The following SSPN variants were observed in gnomAD, a reference collection of about 807,000 sequenced individuals.
SSPN encodes sarcospan.
A neutral mutation model predicts 19.1 loss-of-function variants in SSPN; 15 were observed. The observed-to-expected ratio is 0.78, with a 90% CI of 0.52 to 1.21. The LOEUF (loss-of-function observed/expected upper bound fraction) is 1.21. Among genes scored for constraint, SSPN ranks in the 50% most tolerant of loss-of-function variants. The pLI, the probability that SSPN is intolerant of heterozygous loss-of-function variation, is 0.00. For synonymous variants in SSPN, 147 were observed against 140.3 expected, an observed-to-expected ratio of 1.05 and a Z score of -0.34; for missense variants, 291 against 314.0, an observed-to-expected ratio of 0.93 and a Z score of 0.55.
At chr12:26,122,776 C>T (rs768361046) in intron 1 of SSPN, 5 of 1,586,668 alleles carry the variant, frequency 3.2e-6, no homozygotes, top group Non-Finnish European at 3.4e-6. Context: ...GGCCGGGCCT[C>T]GGCTTCGCCG....
At position 26,195,715 on chromosome 12, in the gene SSPN, G is replaced by C; in HGVS notation, c.43G>C (p.Gly15Arg). The C allele has an allele frequency of 6.9e-7, 1 of 1,440,782 alleles. No homozygotes were observed. The highest frequency in any genetic ancestry group is 9.1e-7 in the Non-Finnish European group (1 of 1,103,280). 89.2% of individuals were successfully genotyped at this position (1,440,782 alleles called of 1,614,324 possible). A position where few individuals can be genotyped will look rare whatever the true frequency, so the allele number is the denominator to read the frequency against. ...GCCACGCGGCCAGCAGAGGCAGGGG[G>C]GCCCGCCGGCCGCGGACGCCGCTGG... is the stretch of plus-strand genomic sequence containing the variant. ...KQPRGQQRQG[G>R]PPAADAAGPD... is the part of the protein sequence containing the mutation. The change falls in exon 1 of 3, where the codon GGC (glycine) becomes CGC (arginine). Residue 15 changes from glycine to arginine, a missense_variant. Gly to Arg is a moderately radical substitution (Grantham distance 125, BLOSUM62 -2). Around this residue, in one of 3 missense-constraint regions of SSPN, gnomAD observed 139 missense variants for 119.6 expected, o/e 1.16. Transcript: ENST00000242729.
At chr12:26,122,006 C>T (rs976594840) in exon 1 of SSPN, 2 of 1,544,938 alleles carry the variant, frequency 1.3e-6, no homozygotes, top group African/African-American at 1.4e-5. Flanking sequence ...GCTTGAACCT[C>T]CTTAAGGGTA....
chr12:26,122,291 G>GGCGGCGGCA (rs926557816), intron 1 of SSPN: 4 of 1,194,494 alleles, frequency 3.3e-6, no homozygotes, highest in Non-Finnish European at 4.1e-6. Context: ...ACGCGGCGGC[G>GGCGGCGGCA]GCGGCGGCAG....
chr12:26,230,855 C>A lies in SSPN; in HGVS notation c.511C>A (p.Pro171Thr). Reference protein sequence around the residue: ...SCQCKLPSSEPLSRTFVYRDV... With the variant: ...SCQCKLPSSETLSRTFVYRDV... ...CCAGTGCAAACTGCCCTCCTCGGAGCCGCTCAGCAGGACCTTTGTTTACCG... is the reference window on the plus strand; with the variant it reads ...CCAGTGCAAACTGCCCTCCTCGGAGACGCTCAGCAGGACCTTTGTTTACCG... Residue 171 changes from proline to threonine, a missense_variant, in exon 3 of 3, where the codon CCG (proline) becomes ACG (threonine). This residue lies in a region of SSPN where 141 missense variants were observed against 166.7 expected (regional missense o/e 0.85). Transcript: ENST00000242729. The A allele has an allele frequency of 6.2e-7, 1 of 1,614,206 alleles. No individual in the cohort carries two copies. Among genetic ancestry groups the A allele is most frequent in the Non-Finnish European group, 8.5e-7 (1 of 1,180,050 alleles).
intron 1 of SSPN, among the ~76,000 whole-genome samples, chr12:26,142,891 G>A (rs929393029): frequency 2.0e-5 from 3 of 152,218 alleles, no homozygotes; most frequent in Non-Finnish European, 4.4e-5. Context: ...GCAATTTAGT[G>A]AGATTTCCAA....
rs373666653 is a variant in SSPN at position 26,123,159 on chromosome 12, G to A, written c.-31+1007G>A. 1.6e-5 allele frequency: 26 copies of A among 1,593,234 alleles called. No homozygotes were observed. Among genetic ancestry groups the A allele is most frequent in the Middle Eastern group, 1.7e-4 (1 of 6,014 alleles). ...GTCGGACTGAATGGGCGATTTCAGA[G>A]ATCGCTCCCCTAGGATGAGGAAGGG... On this transcript the variant is annotated intron_variant, in intron 1 of 2. Coordinates refer to the SSPN transcript ENST00000538142.
At chr12:26,148,213 C>T (rs1944504526) in intron 1 of SSPN, among the ~76,000 whole-genome samples, 1 of 152,192 alleles carries the variant, frequency 6.6e-6, no homozygotes, top group Admixed American at 6.5e-5. Context: ...AGTGCCAGGT[C>T]ATCTCCATGG....
chr12:26,201,379 GAA>G (rs199969865), intron 1 of SSPN, among the ~76,000 whole-genome samples: 4 of 116,468 alleles, frequency 3.4e-5, no homozygotes, highest in African/African-American at 6.4e-5. Context: ...CCCCATAACA[GAA>G]AAAAAAAAAA....
intron 1 of SSPN, among the ~76,000 whole-genome samples, chr12:26,201,033 A>AT (rs59689967): frequency 2.3e-4 from 13 of 56,954 alleles, no homozygotes; most frequent in Admixed American, 4.4e-4. Flanking sequence ...ATATATATAT[A>AT]TATATATATA....
intron 1 of SSPN, chr12:26,123,282 G>A (rs180899758): frequency 4.5e-6 from 6 of 1,347,852 alleles, no homozygotes; most frequent in South Asian, 3.1e-5. Context: ...AAGTGATCTC[G>A]GTTTTTCCCC....
chr12:26,224,660 A>G (rs1305563296), intron 2 of SSPN, among the ~76,000 whole-genome samples: 1 of 151,082 alleles, frequency 6.6e-6, no homozygotes, highest in African/African-American at 2.4e-5. Flanking sequence ...AGTTCAACAA[A>G]ACACTTGGCC....
intron 1 of SSPN, chr12:26,122,255 C>T (rs1371999296): frequency 8.0e-7 from 1 of 1,257,216 alleles, no homozygotes; most frequent in East Asian, 3.3e-5. Flanking sequence ...CGGGAGGGGG[C>T]GACAACACCG....
chr12:26,153,785 C>G (rs1025126339), intron 1 of SSPN, among the ~76,000 whole-genome samples: 1 of 152,196 alleles, frequency 6.6e-6, no homozygotes, highest in Non-Finnish European at 1.5e-5. Flanking sequence ...TAGCTGATAT[C>G]CCAGTGGTCC....
intron 1 of SSPN, chr12:26,124,039 G>T: frequency 7.2e-7 from 1 of 1,392,000 alleles, no homozygotes; most frequent in Non-Finnish European, 1.0e-6. Context: ...CACGCCCTTG[G>T]AGAGCAGCAA....
chr12:26,231,485 T>C lies in SSPN; in HGVS notation c.*409T>C, dbSNP rs1165979199. 5.8e-6 allele frequency: 1 copy of C among 173,766 alleles called. No homozygotes were observed. Among genetic ancestry groups the C allele is most frequent in the African/African-American group, 2.4e-5 (1 of 41,646 alleles). The allele number at this position is 173,766 out of a possible 1,614,324, so 10.8% of individuals were successfully genotyped here. A position where few individuals can be genotyped will look rare whatever the true frequency, so the allele number is the denominator to read the frequency against. On this transcript the variant is annotated 3_prime_UTR_variant, in exon 3 of 3. Coordinates refer to ENST00000242729, the MANE Select transcript of SSPN (RefSeq NM_005086.5). Reference sequence around the variant, plus strand: ...TGCTAAATTTTGTGGCATCTTCCTCTAGTCCTTCCCACCTCCAGTCATCAG... The same window carrying C: ...TGCTAAATTTTGTGGCATCTTCCTCCAGTCCTTCCCACCTCCAGTCATCAG...
chr12:26,130,901 T>TA (rs1053241759), intron 1 of SSPN, among the ~76,000 whole-genome samples: 96 of 151,624 alleles, frequency 6.3e-4, no homozygotes, highest in African/African-American at 2.2e-3. Flanking sequence ...TAAGGAGCTT[T>TA]TTTTTTTTTG....
intron 1 of SSPN, among the ~76,000 whole-genome samples, chr12:26,201,142 C>T (rs1247200057): frequency 6.7e-6 from 1 of 149,142 alleles, no homozygotes; most frequent in Admixed American, 6.7e-5. Flanking sequence ...TTTGGGAGGC[C>T]AAGGCAGGCA....
intron 1 of SSPN, among the ~76,000 whole-genome samples, chr12:26,160,267 C>A (rs11048419): frequency 6.6e-6 from 1 of 152,114 alleles, no homozygotes; most frequent in Non-Finnish European, 1.5e-5. Context: ...ATAAAGAAAA[C>A]AGGAAAATGC....
At chr12:26,127,873 A>AT (rs1944375918) in intron 1 of SSPN, among the ~76,000 whole-genome samples, 1 of 152,048 alleles carries the variant, frequency 6.6e-6, no homozygotes, top group Non-Finnish European at 1.5e-5. Context: ...GCCTCTGAAT[A>AT]TCCCTTTGCG....
Sources: gnomAD v4.1 joint callset for allele counts (sites outside exome capture counted in the v4.1 genomes callset) on GRCh38, gnomAD v4.1.1 for gene constraint, gnomAD v4.1.1 regional missense constraint, MANE v1.5 for transcripts, NCBI Gene and HGNC (gene_info 2026-07-23, HGNC 2026-07-21) for gene names.